Variants in ADAMTS18 observed in about 807,000 individuals in gnomAD.
The protein encoded by ADAMTS18 is A disintegrin and metalloproteinase with thrombospondin motifs 18.
In ADAMTS18, 157 loss-of-function variants were observed where a neutral mutation model predicts 165.9. The observed-to-expected ratio is 0.95, with a 90% confidence interval of 0.83 to 1.08. ADAMTS18 has a LOEUF of 1.08. ADAMTS18 is among the 50% of genes least tolerant of loss of function. The probability of loss-of-function intolerance (pLI) is 0.00; values close to 1 mark genes in which losing one functional copy is unlikely to be tolerated. For missense variants in ADAMTS18, 2,040 were observed against 1,534.0 expected, an observed-to-expected ratio of 1.33 and a Z score of -5.51; for synonymous variants, 782 against 578.2, an observed-to-expected ratio of 1.35 and a Z score of -5.06.
At chr16:77,375,844 A>G (rs1394039114) in intron 3 of ADAMTS18, among the ~76,000 whole-genome samples, 2 of 151,606 alleles carry the variant, frequency 1.3e-5, no homozygotes, top group South Asian at 2.1e-4. Context: ...AAAACTTCCA[A>G]TCATGGCAGA....
At chr16:77,309,938 G>T (rs1419411915) in intron 16 of ADAMTS18, among the ~76,000 whole-genome samples, 1 of 152,136 alleles carries the variant, frequency 6.6e-6, no homozygotes, top group Non-Finnish European at 1.5e-5. Flanking sequence ...ATGCATTTTA[G>T]GAGATCAAAT....
Position 77,416,578 on chromosome 16 carries a change from G to A in ADAMTS18, c.495+14717C>T, listed in dbSNP as rs995974012. The stretch of plus-strand genomic sequence containing the variant: ...CTGCCACCATGTAAGATGTGCTTTT[G>A]CTTCTCCTTTGCCTTCAGCCATGAT... On this transcript the variant is annotated intron_variant, in intron 3 of 22. Coordinates refer to ENST00000282849, the MANE Select transcript of ADAMTS18 (RefSeq NM_199355.4). 2.6e-5 allele frequency among the ~76,000 whole-genome samples: 4 copies of A among 152,158 alleles called. No homozygotes were observed. In the East Asian group the frequency reaches 7.7e-4, roughly 29 times the overall value.
intron 3 of ADAMTS18, among the ~76,000 whole-genome samples, chr16:77,375,562 A>T (rs1482311429): frequency 1.3e-5 from 2 of 152,194 alleles, no homozygotes; most frequent in African/African-American, 4.8e-5. Context: ...CCATGATGGA[A>T]CTGAGAGACT....
At chr16:77,304,023 C>T (rs1370747203) in intron 16 of ADAMTS18, among the ~76,000 whole-genome samples, 1 of 152,104 alleles carries the variant, frequency 6.6e-6, no homozygotes, top group Non-Finnish European at 1.5e-5. Context: ...GAGCAACACT[C>T]CATCTCAAAA....
Position 77,335,961 on chromosome 16 carries a change from G to C in ADAMTS18, c.1711-57C>G, listed in dbSNP as rs1402376229. On this transcript the variant is annotated intron_variant, in intron 11 of 22. Coordinates refer to ENST00000282849, the MANE Select transcript of ADAMTS18 (RefSeq NM_199355.4). ...CAGAGACCACCTGGGAAAGCGCAGG[G>C]AGTTGCCAACACCTGCACAGTAACA... 8 of 1,606,910 alleles carry C rather than the reference G, an allele frequency of 5.0e-6. No individual in the cohort carries two copies. The African/African-American group carries it at 9.4e-5, about 19-fold the overall frequency.
At chr16:77,362,873 G>A (rs74025959) in intron 6 of ADAMTS18, among the ~76,000 whole-genome samples, 3,041 of 152,256 alleles carry the variant, frequency 0.02, 115 homozygotes, top group African/African-American at 0.07. Context: ...GGATGTGGCT[G>A]GCTTCAAGGT....
intron 16 of ADAMTS18, among the ~76,000 whole-genome samples, chr16:77,309,011 C>T (rs775843873): frequency 2.0e-5 from 3 of 152,078 alleles, no homozygotes; most frequent in Non-Finnish European, 2.9e-5. Flanking sequence ...TAAAAGCTAC[C>T]TTTTAAATCT....
At chr16:77,361,502 T>A (rs1388248555) in intron 7 of ADAMTS18, among the ~76,000 whole-genome samples, 1 of 152,202 alleles carries the variant, frequency 6.6e-6, no homozygotes, top group Non-Finnish European at 1.5e-5. Flanking sequence ...GCTACCTGAT[T>A]CTGTGGTCAT....
intron 3 of ADAMTS18, among the ~76,000 whole-genome samples, chr16:77,406,102 A>C (rs549336378): frequency 6.6e-6 from 1 of 152,324 alleles, no homozygotes; most frequent in African/African-American, 2.4e-5. Context: ...TCTCACAAAC[A>C]TACAGATGTG....
At chr16:77,368,059 T>C (rs747089379) in intron 3 of ADAMTS18, among the ~76,000 whole-genome samples, 6 of 152,148 alleles carry the variant, frequency 3.9e-5, no homozygotes, top group Admixed American at 2.0e-4. Flanking sequence ...ACACTTTTTA[T>C]AGAAACAGGG....
Position 77,387,509 on chromosome 16 carries a change from C to T in ADAMTS18, c.496-19786G>A, listed in dbSNP as rs143296471. On this transcript the variant is annotated intron_variant, in intron 3 of 22. Transcript: ENST00000282849. Reference sequence around the variant, plus strand: ...GTACACACACAGAGGAAGCTCTGTCCTAACTCTGACCATTCATACCTCCTT... The same window carrying T: ...GTACACACACAGAGGAAGCTCTGTCTTAACTCTGACCATTCATACCTCCTT... 3.2e-3 allele frequency among the ~76,000 whole-genome samples: 482 copies of T among 152,252 alleles called. 2 individuals are homozygous for T. The Middle Eastern group carries it at 0.037, about 12-fold the overall frequency.
chr16:77,407,048 A>G (rs1210373419), intron 3 of ADAMTS18, among the ~76,000 whole-genome samples: 1 of 152,040 alleles, frequency 6.6e-6, no homozygotes, highest in African/African-American at 2.4e-5. Context: ...ATCATGCAAA[A>G]CACTCATGTA....
chr16:77,424,592 T>C (rs1864162), intron 3 of ADAMTS18, among the ~76,000 whole-genome samples: 9,084 of 152,292 alleles, frequency 0.06, 349 homozygotes, highest in East Asian at 0.14. Context: ...ACCTTGGCTC[T>C]TCTTTTTAAA....
intron 13 of ADAMTS18, among the ~76,000 whole-genome samples, chr16:77,325,136 C>A (rs1356115848): frequency 6.6e-6 from 1 of 152,194 alleles, no homozygotes; most frequent in African/African-American, 2.4e-5. Context: ...TCTTTCCATT[C>A]TACACATGGG....
Position 77,393,347 on chromosome 16 carries a change from G to C in ADAMTS18, c.496-25624C>G, listed in dbSNP as rs376048366. Among the ~76,000 whole-genome samples the C allele has an allele frequency of 1.2e-4, 19 of 152,296 alleles. No homozygotes were observed. In the East Asian group the frequency reaches 3.3e-3, roughly 26 times the overall value. On this transcript the variant is annotated intron_variant, in intron 3 of 22. Transcript: ENST00000282849. ...ATTCATCCAATAGGGAAGCAGGCTGGTTTGAGCCAGCAGGGGCTAGGCTGC... is the reference window on the plus strand; with the variant it reads ...ATTCATCCAATAGGGAAGCAGGCTGCTTTGAGCCAGCAGGGGCTAGGCTGC...
chr16:77,365,289 G>A (rs1196877897), intron 4 of ADAMTS18, among the ~76,000 whole-genome samples: 2 of 152,162 alleles, frequency 1.3e-5, no homozygotes, highest in Non-Finnish European at 2.9e-5. Flanking sequence ...CTCAAAAACT[G>A]CAGAAATAGT....
chr16:77,350,431 C>T lies in ADAMTS18; in HGVS notation c.1614+3302G>A, dbSNP rs186017458. On this transcript the variant is annotated intron_variant, in intron 10 of 22. Transcript: ENST00000282849. The stretch of plus-strand genomic sequence containing the variant: ...CATAAGGAAGAGAGTTAGAAGAAAC[C>T]GTATTGTTTATCAAGTGATGCGACT... 6.6e-5 allele frequency among the ~76,000 whole-genome samples: 10 copies of T among 152,092 alleles called. No individual in the cohort carries two copies. In the East Asian group the frequency reaches 1.5e-3, roughly 24 times the overall value.
chr16:77,412,899 G>T (rs2057483267), intron 3 of ADAMTS18, among the ~76,000 whole-genome samples: 1 of 152,170 alleles, frequency 6.6e-6, no homozygotes, highest in African/African-American at 2.4e-5. Flanking sequence ...GTCTCACTAT[G>T]TTGCCCAGGC....
intron 12 of ADAMTS18, 24 bp from the exon 13 acceptor site, chr16:77,326,062 T>C (rs2056090660): frequency 6.2e-7 from 1 of 1,606,838 alleles, no homozygotes; most frequent in Non-Finnish European, 8.5e-7. Context: ...TAATGAACTT[T>C]AATGTTAGTA....
Sources: gnomAD v4.1 joint callset for allele counts (sites outside exome capture counted in the v4.1 genomes callset) on GRCh38, gnomAD v4.1.1 for gene constraint, MANE v1.5 for transcripts, NCBI Gene and HGNC (gene_info 2026-07-23, HGNC 2026-07-21) for gene names.